PHACTR4: variants seen among roughly 807,000 people sequenced by gnomAD.
PHACTR4 encodes protein phosphatase 1, regulatory subunit 124.
In PHACTR4, 51 loss-of-function variants were observed where a neutral mutation model predicts 72.7. The ratio of observed to expected loss-of-function variants is 0.70; its 90% CI spans 0.56 to 0.89. PHACTR4 has a LOEUF of 0.89. Ranked by LOEUF, PHACTR4 falls within the 40% of genes least tolerant of loss-of-function variation. The pLI, the probability that PHACTR4 is intolerant of heterozygous loss-of-function variation, is 0.00. For missense variants in PHACTR4, 731 were observed against 861.8 expected (o/e 0.85, Z 1.90); for synonymous variants, 255 against 302.5 (o/e 0.84, Z 1.63).
At chr1:28,391,481 C>T (rs557661806) in intron 1 of PHACTR4, among the ~76,000 whole-genome samples, 1 of 151,336 alleles carries the variant, frequency 6.6e-6, no homozygotes, top group African/African-American at 2.4e-5. Flanking sequence ...TTACCAGGAG[C>T]TGGGTGGGAG....
chr1:28,425,152 CT>C (rs1655759570), intron 2 of PHACTR4, among the ~76,000 whole-genome samples: 1 of 152,002 alleles, frequency 6.6e-6, no homozygotes. Context: ...CAGAGTCTCA[CT>C]GTCACCCAAT....
intron 2 of PHACTR4, among the ~76,000 whole-genome samples, chr1:28,433,752 C>T (rs747300014): frequency 1.1e-4 from 16 of 150,390 alleles, no homozygotes; most frequent in South Asian, 2.1e-4. Flanking sequence ...GCCACTGCAC[C>T]GGGCCTAGAC....
intron 2 of PHACTR4, among the ~76,000 whole-genome samples, chr1:28,408,034 C>T (rs914846796): frequency 6.6e-6 from 1 of 152,178 alleles, no homozygotes; most frequent in East Asian, 1.9e-4. Context: ...GCATGAGAAA[C>T]GCTTGAACCC....
intron 9 of PHACTR4, among the ~76,000 whole-genome samples, chr1:28,487,375 A>T (rs973516517): frequency 6.6e-6 from 1 of 151,792 alleles, no homozygotes; most frequent in African/African-American, 2.4e-5. Flanking sequence ...AAAAAAAAAT[A>T]AAAATAAAAT....
chr1:28,396,117 TTTCTC>T (rs1653483116), intron 1 of PHACTR4, among the ~76,000 whole-genome samples: 1 of 152,004 alleles, frequency 6.6e-6, no homozygotes, highest in Admixed American at 6.6e-5. Flanking sequence ...AGCTACTAAA[TTTCTC>T]TGCTAAGTGT....
intron 1 of PHACTR4, among the ~76,000 whole-genome samples, chr1:28,392,874 G>A (rs757499176): frequency 2.0e-5 from 3 of 151,926 alleles, no homozygotes; most frequent in South Asian, 2.1e-4. Flanking sequence ...TTGTGAAGAC[G>A]AAAAAAGAAA....
At chr1:28,454,727 A>AAT in intron 2 of PHACTR4, among the ~76,000 whole-genome samples, 1 of 152,192 alleles carries the variant, frequency 6.6e-6, no homozygotes, top group African/African-American at 2.4e-5. Context: ...TACACTTTCC[A>AAT]ATAACACATA....
intron 2 of PHACTR4, among the ~76,000 whole-genome samples, chr1:28,414,148 T>A: frequency 6.6e-6 from 1 of 152,172 alleles, no homozygotes; most frequent in East Asian, 1.9e-4. Flanking sequence ...CCATCTCAGC[T>A]TACTGCAACC....
intron 8 of PHACTR4, among the ~76,000 whole-genome samples, chr1:28,480,175 C>T (rs1452412917): frequency 6.6e-6 from 1 of 152,150 alleles, no homozygotes; most frequent in African/African-American, 2.4e-5. Context: ...TGCTTAGATT[C>T]TCTCTCCTGT....
chr1:28,493,065 T>G lies in PHACTR4; in HGVS notation c.2067T>G (p.Val689=). ...LNEFKSSEME[V]HEESKHFTRY... ...AATTTAAAAGCTCCGAGATGGAGGT[T>G]CATGAAGAGAGCAAACATTTTACAC... is the stretch of plus-strand genomic sequence containing the variant. Residue 689 remains valine (V), a synonymous_variant, in exon 13 of 14, where the codon GTT becomes GTG. Transcript: ENST00000373839. 6.2e-7 allele frequency: 1 copy of G among 1,613,614 alleles called. No homozygotes were observed. Among genetic ancestry groups the G allele is most frequent in the South Asian group, 1.1e-5 (1 of 91,082 alleles).
At chr1:28,375,027 G>T (rs976682101) in intron 1 of PHACTR4, among the ~76,000 whole-genome samples, 7 of 152,182 alleles carry the variant, frequency 4.6e-5, no homozygotes, top group African/African-American at 1.7e-4. Flanking sequence ...GGCCCAGCAC[G>T]GTGGCTCACG....
intron 1 of PHACTR4, among the ~76,000 whole-genome samples, chr1:28,376,621 G>T (rs915456202): frequency 6.6e-6 from 1 of 151,006 alleles, no homozygotes; most frequent in Non-Finnish European, 1.5e-5. Flanking sequence ...GAGCCACTGC[G>T]CTGGGCCTAT....
intron 1 of PHACTR4, among the ~76,000 whole-genome samples, chr1:28,374,173 C>T (rs932478438): frequency 3.3e-5 from 5 of 152,266 alleles, no homozygotes; most frequent in African/African-American, 7.2e-5. Context: ...TTTTATGCAA[C>T]GCTCAAAAAG....
At chr1:28,486,076 G>T (rs891238214) in intron 9 of PHACTR4, among the ~76,000 whole-genome samples, 2 of 151,960 alleles carry the variant, frequency 1.3e-5, no homozygotes, top group Non-Finnish European at 2.9e-5. Context: ...GACTGACAAG[G>T]CCGGGTGTGG....
In PHACTR4 at chr1:28,476,099, T is replaced by C. The variant is rs1557841094; in HGVS notation, c.1422-8T>C. ...TAAAAGGAAAATATAATTATGTTAA[T>C]TTGTTAGTCCAGACGATGAAGAAGA... On this transcript the variant is annotated splice_polypyrimidine_tract_variant and splice_region_variant and intron_variant, in intron 7 of 13. Coordinates refer to ENST00000373839, the MANE Select transcript of PHACTR4 (RefSeq NM_001048183.3). 6.3e-7 allele frequency: 1 copy of C among 1,583,500 alleles called. No homozygotes were observed. Among genetic ancestry groups the C allele is most frequent in the Non-Finnish European group, 8.5e-7 (1 of 1,171,268 alleles).
At chr1:28,490,001 T>G (rs924247008) in intron 10 of PHACTR4, 1 of 445,962 alleles carries the variant, frequency 2.2e-6, no homozygotes. Flanking sequence ...CAGTTACTCT[T>G]GAGCAAGAAT....
At chr1:28,460,874 C>G (rs2124471982) in intron 4 of PHACTR4, among the ~76,000 whole-genome samples, 1 of 151,996 alleles carries the variant, frequency 6.6e-6, no homozygotes, top group East Asian at 2.0e-4. Context: ...GAACTCCTGA[C>G]CTCAGGTGTT....
intron 6 of PHACTR4, 83 bp from the exon 7 acceptor site, chr1:28,473,471 C>A: frequency 9.8e-7 from 1 of 1,019,780 alleles, no homozygotes; most frequent in Non-Finnish European, 1.5e-6. Flanking sequence ...TAAAACTGAA[C>A]TCAACTTTAA....
At chr1:28,433,065 A>G in intron 2 of PHACTR4, 1 of 985,188 alleles carries the variant, frequency 1.0e-6, no homozygotes, top group Non-Finnish European at 1.2e-6. Context: ...TTCTTTCCCT[A>G]AGTAAAATAG....
Sources: allele counts gnomAD v4.1 joint callset (sites outside exome capture counted in the v4.1 genomes callset), GRCh38; gene constraint gnomAD v4.1.1; transcripts MANE v1.5; gene names NCBI Gene and HGNC (gene_info 2026-07-23, HGNC 2026-07-21).